MGAT1: variants seen among roughly 807,000 people sequenced by gnomAD.
MGAT1 encodes the protein N-glycosyl-oligosaccharide-glycoprotein N-acetylglucosaminyltransferase I.
In MGAT1, 14 loss-of-function variants were observed where a neutral mutation model predicts 31.7. That is an observed-to-expected ratio of 0.44 (90% CI 0.29 to 0.69). MGAT1 has a LOEUF of 0.69. MGAT1 is among the 30% of genes least tolerant of loss of function. The probability of loss-of-function intolerance (pLI) is 0.12; values close to 1 mark genes in which losing one functional copy is unlikely to be tolerated. For synonymous variants in MGAT1, 338 were observed against 276.0 expected, an observed-to-expected ratio of 1.22 and a Z score of -2.23; for missense variants, 557 against 626.0, an observed-to-expected ratio of 0.89 and a Z score of 1.18.
chr5:180,785,608 G>A lies in MGAT1; in HGVS notation c.*6026C>T, dbSNP rs1275768436. ...GTGTGCCTGTTCTAGCAAGAACCAG[G>A]AAGAGGCTGTCTCCCTGCCATGACC... On this transcript the variant is annotated 3_prime_UTR_variant, in exon 2 of 2. Transcript: ENST00000307826. The A allele has an allele frequency of 6.6e-6, 1 of 152,272 alleles. No homozygotes were observed. Among genetic ancestry groups the A allele is most frequent in the Non-Finnish European group, 1.5e-5 (1 of 68,074 alleles). 9.4% of individuals were successfully genotyped at this position (152,272 alleles called of 1,614,324 possible).
At chr5:180,799,513 G>A (rs73815129) in intron 1 of MGAT1, among the ~76,000 whole-genome samples, 5,858 of 152,166 alleles carry the variant, frequency 0.038, 391 homozygotes, top group African/African-American at 0.13. Flanking sequence ...CTGTGGCCAC[G>A]CTGACCTGAC....
rs1397645876 is a variant in MGAT1 at position 180,792,154 on chromosome 5, G to C, written c.818C>G (p.Ala273Gly). The change falls in exon 2 of 2, where the codon GCC becomes GGC. Residue 273 changes from alanine (A) to glycine (G), a missense_variant. Transcript: ENST00000307826. Reference sequence around the variant, plus strand: ...GGGCTCCAGCTCAGCCCAGAGCTCGGCCAACAGCAGCCAGCCCAGGCCAGG... The same window carrying C: ...GGGCTCCAGCTCAGCCCAGAGCTCGCCCAACAGCAGCCAGCCCAGGCCAGG... ...FFPGLGWLLLAELWAELEPKW... is the reference protein window; with the variant it reads ...FFPGLGWLLLGELWAELEPKW... 6.2e-7 allele frequency: 1 copy of C among 1,612,996 alleles called. No individual in the cohort carries two copies.
At chr5:180,804,667 TTG>T (rs533902972), upstream of MGAT1, among the ~76,000 whole-genome samples, 250 of 152,304 alleles carry the variant, frequency 1.6e-3, 1 homozygote, top group African/African-American at 6.0e-3. Context: ...GAAAAAACAA[TTG>T]TGTTTCCTAA....
Position 180,792,267 on chromosome 5 carries a change from C to G in MGAT1, c.705G>C (p.Leu235=). Residue 235 remains leucine (L), a synonymous_variant, in exon 2 of 2, where the codon CTG becomes CTC. Coordinates refer to ENST00000307826, the MANE Select transcript of MGAT1 (RefSeq NM_002406.4). ...TYPLLKADPS[L]WCVSAWNDNG... ...TGTCATTCCAGGCCGAGACGCACCA[C>G]AGGGAGGGGTCGGCCTTCAGCAGCG... 6 of 1,612,684 alleles carry G rather than the reference C, an allele frequency of 3.7e-6. No homozygotes were observed. The highest frequency in any genetic ancestry group is 5.1e-6 in the Non-Finnish European group (6 of 1,179,628).
In MGAT1 at chr5:180,814,767, C is replaced by G. The variant is rs561537527; in HGVS notation, c.-546+647G>C. On this transcript the variant is annotated intron_variant, in intron 1 of 2. Coordinates refer to the MGAT1 transcript ENST00000333055. The stretch of plus-strand genomic sequence containing the variant: ...CCAACCTGACCAAGATGGTGAAACC[C>G]CATCCCTACTAAAAATATAAAAATT... Among the ~76,000 whole-genome samples, 6 of 151,972 alleles carry G rather than the reference C, an allele frequency of 3.9e-5. No individual in the cohort carries two copies. The Middle Eastern group carries it at 0.017, about 431-fold the overall frequency.
At chr5:180,793,973 TA>T (rs1768787538) in intron 1 of MGAT1, among the ~76,000 whole-genome samples, 1 of 152,138 alleles carries the variant, frequency 6.6e-6, no homozygotes, top group South Asian at 2.1e-4. Flanking sequence ...AAAATCCCAA[TA>T]AAAATACCTT....
intron 1 of MGAT1, chr5:180,809,429 C>T (rs1484173443): frequency 1.3e-5 from 2 of 152,192 alleles, no homozygotes; most frequent in African/African-American, 4.8e-5. Context: ...CGCCCTTTCT[C>T]CTGCCCTCCT....
chr5:180,804,652 T>C (rs1213248958), upstream of MGAT1, among the ~76,000 whole-genome samples: 1 of 151,908 alleles, frequency 6.6e-6, no homozygotes, highest in African/African-American at 2.4e-5. Context: ...TGTCAAGGCG[T>C]AAAGGAAAAA....
chr5:180,792,666 C>G lies in MGAT1; in HGVS notation c.306G>C (p.Ala102=). 1.0e-5 allele frequency: 16 copies of G among 1,576,324 alleles called. No homozygotes were observed. Among genetic ancestry groups the G allele is most frequent in the Non-Finnish European group, 1.4e-5 (16 of 1,160,750 alleles). Residue 102 remains alanine, a synonymous_variant, in exon 2 of 2, where the codon GCG becomes GCC. Coordinates refer to ENST00000307826, the MANE Select transcript of MGAT1 (RefSeq NM_002406.4). Reference sequence around the variant, plus strand: ...TGACCAGGATGGGAATCACCGCCGGCGCGGGGGTCACAGGCACACGCGGCT... The same window carrying G: ...TGACCAGGATGGGAATCACCGCCGGGGCGGGGGTCACAGGCACACGCGGCT... ...PAQPRVPVTP[A]PAVIPILVIA... is the part of the protein sequence containing the mutation.
rs1300132979 is a variant in MGAT1, at chr5:180,792,198, G to A, written c.774C>T (p.Leu258=). 1.2e-6 allele frequency: 2 copies of A among 1,613,000 alleles called. No individual in the cohort carries two copies. Among genetic ancestry groups the A allele is most frequent in the African/African-American group, 1.3e-5 (1 of 74,934 alleles). ...QMVDASRPEL[L]YRTDFFPGLG... Reference sequence around the variant, plus strand: ...GGCCAGGGAAAAAGTCGGTGCGGTAGAGCAGCTCAGGCCTGCTGGCGTCCA... The same window carrying A: ...GGCCAGGGAAAAAGTCGGTGCGGTAAAGCAGCTCAGGCCTGCTGGCGTCCA... The change falls in exon 2 of 2, where the codon CTC becomes CTT. Residue 258 remains leucine (L), a synonymous_variant. Transcript: ENST00000307826.
intron 1 of MGAT1, among the ~76,000 whole-genome samples, chr5:180,797,791 T>G (rs1769796034): frequency 8.5e-6 from 1 of 117,418 alleles, no homozygotes; most frequent in African/African-American, 3.2e-5. Context: ...TGCTTCAAAC[T>G]TGCTCCTGTT....
At chr5:180,803,195 A>C (rs911766315), upstream of MGAT1, 1 of 152,268 alleles carries the variant, frequency 6.6e-6, no homozygotes, top group African/African-American at 2.4e-5. Flanking sequence ...CCCCACCCCA[A>C]CCCAGGGGAG....
intron 1 of MGAT1, among the ~76,000 whole-genome samples, chr5:180,794,168 CAGG>C (rs899883551): frequency 5.3e-5 from 8 of 150,114 alleles, no homozygotes; most frequent in African/African-American, 2.0e-4. Flanking sequence ...CACTTGAGCC[CAGG>C]AGTTCAAGAA....
rs144704859 is a variant in MGAT1, at chr5:180,798,661, T to C, written c.-127+4019A>G. On this transcript the variant is annotated intron_variant, in intron 1 of 1. Coordinates refer to ENST00000307826, the MANE Select transcript of MGAT1 (RefSeq NM_002406.4). ...AAACACAGAAGTTTTCTAAACTCAA[T>C]TGGCAGTAAAACCTCATCCAGCCTC... Among the ~76,000 whole-genome samples, 37 of 152,346 alleles carry C rather than the reference T, an allele frequency of 2.4e-4. 1 individual carries two copies. In the East Asian group the frequency reaches 6.9e-3, roughly 29 times the overall value.
chr5:180,806,581 A>G (rs920981095), upstream of MGAT1, among the ~76,000 whole-genome samples: 4 of 152,220 alleles, frequency 2.6e-5, no homozygotes, highest in African/African-American at 9.6e-5. Context: ...TGGTCAGGTC[A>G]GATGCTGTGG....
In MGAT1 at chr5:180,808,769, G is replaced by C. The variant is rs555515712; in HGVS notation, c.-248C>G. On this transcript the variant is annotated 5_prime_UTR_variant, in exon 2 of 3. Coordinates refer to the MGAT1 transcript ENST00000333055. The stretch of plus-strand genomic sequence containing the variant: ...AGTGCAGCTTCTCTCTTCTTATCCA[G>C]GTCCAAAGTCCATGGCTGAGCTGAC... The C allele has an allele frequency of 4.7e-4, 72 of 152,386 alleles. 1 individual carries two copies. Among genetic ancestry groups the C allele is most frequent in the African/African-American group, 1.6e-3 (66 of 41,550 alleles). 9.4% of individuals were successfully genotyped at this position (152,386 alleles called of 1,614,324 possible). A position where few individuals can be genotyped will look rare whatever the true frequency, so the allele number is the denominator to read the frequency against.
At position 180,802,698 on chromosome 5, in the gene MGAT1, T is replaced by G. The variant is rs1475980798; in HGVS notation, c.-145A>C. ...TACTCACCAGGTCCTCCCGACGTCC[T>G]GGCCCCGAACTTGGCCTGCTCCGGG... On this transcript the variant is annotated 5_prime_UTR_variant, in exon 1 of 2. Coordinates refer to ENST00000307826, the MANE Select transcript of MGAT1 (RefSeq NM_002406.4). The G allele has an allele frequency of 1.3e-5, 2 of 152,226 alleles. No homozygotes were observed. Among genetic ancestry groups the G allele is most frequent in the Non-Finnish European group, 2.9e-5 (2 of 68,084 alleles). 9.4% of individuals were successfully genotyped at this position (152,226 alleles called of 1,614,324 possible).
chr5:180,793,005 C>T lies in MGAT1; in HGVS notation c.-34G>A, dbSNP rs368619912. 2.9e-5 allele frequency: 46 copies of T among 1,609,370 alleles called. No individual in the cohort carries two copies. Among genetic ancestry groups the T allele is most frequent in the Non-Finnish European group, 2.6e-5 (31 of 1,178,678 alleles). ...CCACCGGGGAGGGCAGGCCAGGGGACGGTTCAAGGCTGCCCTGGGCTTGCC... is the reference window on the plus strand; with the variant it reads ...CCACCGGGGAGGGCAGGCCAGGGGATGGTTCAAGGCTGCCCTGGGCTTGCC... On this transcript the variant is annotated 5_prime_UTR_variant, in exon 2 of 2. Coordinates refer to ENST00000307826, the MANE Select transcript of MGAT1 (RefSeq NM_002406.4).
At chr5:180,805,279 A>G (rs1053603504), upstream of MGAT1, among the ~76,000 whole-genome samples, 10 of 151,710 alleles carry the variant, frequency 6.6e-5, no homozygotes, top group African/African-American at 2.2e-4. Context: ...GAGGAACAAT[A>G]CTCTCCCCTG....
Sources: allele counts gnomAD v4.1 joint callset (sites outside exome capture counted in the v4.1 genomes callset), GRCh38; gene constraint gnomAD v4.1.1; transcripts MANE v1.5; gene names NCBI Gene and HGNC (gene_info 2026-07-23, HGNC 2026-07-21).